Variants in ZFAT observed in about 807,000 individuals in gnomAD.
The protein encoded by ZFAT is zinc finger protein ZFAT.
ZFAT carries 64 observed loss-of-function variants against 117.7 expected under a neutral mutation model. That is an observed-to-expected ratio of 0.54 (90% CI 0.44 to 0.67). The LOEUF is 0.67. Ranked by LOEUF, ZFAT falls within the 30% of genes least tolerant of loss-of-function variation. The pLI, the probability that ZFAT is intolerant of heterozygous loss-of-function variation, is 0.00. For synonymous variants in ZFAT, 679 were observed against 615.0 expected (o/e 1.10, Z -1.54); for missense variants, 1,433 against 1,584.5 (o/e 0.90, Z 1.62).
intron 11 of ZFAT, among the ~76,000 whole-genome samples, chr8:134,564,185 T>C (rs1586716949): frequency 1.1e-5 from 1 of 91,022 alleles, no homozygotes. Flanking sequence ...GGAGTGAGAC[T>C]CCTTCTCAAA....
chr8:134,517,760 C>T (rs185529703), intron 13 of ZFAT, among the ~76,000 whole-genome samples: 26 of 152,248 alleles, frequency 1.7e-4, no homozygotes, highest in Admixed American at 3.3e-4. Context: ...ATGACCTTGA[C>T]GCTTTTGAGG....
intron 1 of ZFAT, among the ~76,000 whole-genome samples, chr8:134,661,624 G>A (rs183740149): frequency 6.6e-6 from 1 of 152,348 alleles, no homozygotes; most frequent in African/African-American, 2.4e-5. Context: ...ATTGGCCCAA[G>A]ACGGGTGGGA....
At chr8:134,582,120 G>A (rs569940633) in intron 10 of ZFAT, among the ~76,000 whole-genome samples, 3 of 152,282 alleles carry the variant, frequency 2.0e-5, no homozygotes, top group Admixed American at 2.0e-4. Context: ...CTTTCCTGCC[G>A]AAGAACTCAG....
At chr8:134,821,557 A>G in the ZFAT span, among the ~76,000 whole-genome samples, 1 of 152,154 alleles carries the variant, frequency 6.6e-6, no homozygotes, top group Admixed American at 6.5e-5. Context: ...TTTAAAAAAA[A>G]AAAAAAGAAT....
At position 134,548,809 on chromosome 8, in the gene ZFAT, G is replaced by T. The variant is rs530905105; in HGVS notation, c.2977-15837C>A. Among the ~76,000 whole-genome samples the T allele has an allele frequency of 4.1e-4, 62 of 152,270 alleles. 1 individual carries two copies. The South Asian group carries it at 0.013, about 31-fold the overall frequency. The stretch of plus-strand genomic sequence containing the variant: ...TGACTTATGGCCTCTTCCAGGGAGG[G>T]TCTATCTTGTCTCCTAGGTAAGCTG... On this transcript the variant is annotated intron_variant, in intron 11 of 15. Coordinates refer to ENST00000377838, the MANE Select transcript of ZFAT (RefSeq NM_020863.4).
chr8:134,702,721 G>A (rs1466488080), intron 1 of ZFAT, among the ~76,000 whole-genome samples: 2 of 151,438 alleles, frequency 1.3e-5, no homozygotes, highest in Admixed American at 6.6e-5. Flanking sequence ...GCCCAGGCTG[G>A]AGTACAGTGG....
chr8:134,813,305 C>T, the ZFAT span, among the ~76,000 whole-genome samples: 7 of 152,200 alleles, frequency 4.6e-5, no homozygotes, highest in Non-Finnish European at 1.0e-4. Context: ...CTGCCTTCTT[C>T]CTAAGGCCCA....
At position 134,538,569 on chromosome 8, in the gene ZFAT, G is replaced by A. The variant is rs140032632; in HGVS notation, c.2977-5597C>T. Among the ~76,000 whole-genome samples, 1,117 of 152,194 alleles carry A rather than the reference G, an allele frequency of 7.3e-3. 14 individuals carry two copies. The highest frequency in any genetic ancestry group is 0.026 in the African/African-American group (1,069 of 41,526). ...TCCCAGTATTTTGGGAGGCTGAGGCGGGCAGATCACTTAGGTCAGGAGTTC... is the reference window on the plus strand; with the variant it reads ...TCCCAGTATTTTGGGAGGCTGAGGCAGGCAGATCACTTAGGTCAGGAGTTC... On this transcript the variant is annotated intron_variant, in intron 11 of 15. Coordinates refer to ENST00000377838, the MANE Select transcript of ZFAT (RefSeq NM_020863.4).
chr8:134,769,834 T>G, the ZFAT span, among the ~76,000 whole-genome samples: 1 of 152,232 alleles, frequency 6.6e-6, no homozygotes. Context: ...ACTTCAATTC[T>G]TGACTTCTGT....
intron 11 of ZFAT, among the ~76,000 whole-genome samples, chr8:134,562,199 G>A (rs1203179916): frequency 6.6e-6 from 1 of 152,182 alleles, no homozygotes; most frequent in Non-Finnish European, 1.5e-5. Context: ...TACAGGTCGC[G>A]TGTAGAAGCC....
chr8:134,676,255 CAAAAAAAAAAA>C (rs146638821), intron 1 of ZFAT, among the ~76,000 whole-genome samples: 1 of 80,598 alleles, frequency 1.2e-5, no homozygotes, highest in African/African-American at 5.0e-5. Context: ...AAATGGAAAG[CAAAAAAAAAAA>C]AAAAAAAAAA....
chr8:134,721,062 T>G, the ZFAT span, among the ~76,000 whole-genome samples: 1 of 152,186 alleles, frequency 6.6e-6, no homozygotes, highest in Non-Finnish European at 1.5e-5. Context: ...CCGGCCTTTC[T>G]GCTGTGGCTC....
intron 7 of ZFAT, chr8:134,599,913 C>T (rs1827276553): frequency 2.2e-5 from 9 of 406,696 alleles, no homozygotes; most frequent in Non-Finnish European, 4.3e-5. Context: ...ATTAACATTT[C>T]ACTTTTTTAA....
intron 15 of ZFAT, among the ~76,000 whole-genome samples, chr8:134,488,741 G>A (rs938019856): frequency 1.3e-5 from 2 of 151,908 alleles, no homozygotes; most frequent in African/African-American, 4.8e-5. Context: ...GGTTGTCAGG[G>A]TCGGGGGAAG....
rs114044397 is a variant in ZFAT, at chr8:134,486,525, T to C, written c.3493-7804A>G. ...ACAGCCCTCTCGTAGATGTCATTAA[T>C]GTCCTTGAAAGGGAAGGCACCCGGG... On this transcript the variant is annotated intron_variant, in intron 15 of 15. Coordinates refer to ENST00000377838, the MANE Select transcript of ZFAT (RefSeq NM_020863.4). Among the ~76,000 whole-genome samples, 560 of 152,328 alleles carry C rather than the reference T, an allele frequency of 3.7e-3. 1 individual carries two copies. The highest frequency in any genetic ancestry group is 0.012 in the African/African-American group (508 of 41,562).
the ZFAT span, chr8:134,795,489 G>A: frequency 6.6e-6 from 1 of 152,178 alleles, no homozygotes; most frequent in African/African-American, 2.4e-5. Flanking sequence ...GCATGTGTGT[G>A]CACAGGAGTC....
chr8:134,713,619 A>G (rs1814124702), upstream of ZFAT, among the ~76,000 whole-genome samples: 3 of 152,114 alleles, frequency 2.0e-5, no homozygotes, highest in Admixed American at 6.5e-5. Context: ...ACAAGTCTGC[A>G]CTGGATGTGC....
chr8:134,682,783 C>G (rs1833132099), intron 1 of ZFAT, among the ~76,000 whole-genome samples: 1 of 152,196 alleles, frequency 6.6e-6, no homozygotes, highest in African/African-American at 2.4e-5. Context: ...AACCTCGGCT[C>G]CCTCCCCTGT....
intron 9 of ZFAT, among the ~76,000 whole-genome samples, chr8:134,584,235 G>A (rs914880110): frequency 1.3e-5 from 2 of 152,214 alleles, no homozygotes; most frequent in African/African-American, 4.8e-5. Flanking sequence ...TTGCCTCCTG[G>A]TATACCAGGT....
Sources: gnomAD v4.1 joint callset for allele counts (sites outside exome capture counted in the v4.1 genomes callset) on GRCh38, gnomAD v4.1.1 for gene constraint, MANE v1.5 for transcripts, NCBI Gene and HGNC (gene_info 2026-07-23, HGNC 2026-07-21) for gene names.